ABCB5: variants seen among roughly 807,000 people sequenced by gnomAD.
ABCB5 encodes the protein ATP-binding cassette sub-family B member 5.
In ABCB5, 155 loss-of-function variants were observed where a neutral mutation model predicts 144.2. The ratio of observed to expected loss-of-function variants is 1.08; its 90% CI spans 0.94 to 1.23. The LOEUF is 1.23. Ranked by LOEUF, ABCB5 falls within the 50% of genes most tolerant of loss-of-function variation. ABCB5 has a pLI of 0.00. For missense variants in ABCB5, 1,830 were observed against 1,520.8 expected (o/e 1.20, Z -3.38); for synonymous variants, 610 against 528.6 (o/e 1.15, Z -2.11).
intron 16 of ABCB5, among the ~76,000 whole-genome samples, chr7:20,695,499 T>C (rs1786380688): frequency 6.6e-6 from 1 of 151,900 alleles, no homozygotes; most frequent in African/African-American, 2.4e-5. Context: ...TTCACGACTT[T>C]GTGTTAAGCA....
chr7:20,646,178 T>C (rs1462404219), intron 9 of ABCB5, 40 bp downstream of exon 9: 1 of 1,565,166 alleles, frequency 6.4e-7, no homozygotes, highest in Admixed American at 2.0e-5. Context: ...GCCTGGATAA[T>C]CTTTCCTTAC....
intron 14 of ABCB5, among the ~76,000 whole-genome samples, chr7:20,679,474 A>AAAAAAAAG (rs1785719705): frequency 6.7e-6 from 1 of 150,076 alleles, no homozygotes; most frequent in Non-Finnish European, 1.5e-5. Context: ...TCCATCTCAA[A>AAAAAAAAG]AAAAAAAAAA....
chr7:20,623,402 C>A, intron 2 of ABCB5, 64 bp downstream of exon 2: 1 of 1,264,150 alleles, frequency 7.9e-7, no homozygotes, highest in Non-Finnish European at 1.1e-6. Context: ...ATCCTTTCCA[C>A]ACCTATAGCA....
chr7:20,660,407 C>T, intron 14 of ABCB5: 1 of 985,408 alleles, frequency 1.0e-6, no homozygotes. Flanking sequence ...TGTGAAACTG[C>T]TTTATGTATG....
chr7:20,654,158 C>T (rs1784691942), intron 13 of ABCB5, among the ~76,000 whole-genome samples: 1 of 151,928 alleles, frequency 6.6e-6, no homozygotes, highest in Admixed American at 6.6e-5. Flanking sequence ...GAGTTGCCTA[C>T]TAGAGACAAA....
At chr7:20,730,147 C>T (rs571529619) in intron 23 of ABCB5, among the ~76,000 whole-genome samples, 9 of 152,320 alleles carry the variant, frequency 5.9e-5, no homozygotes, top group African/African-American at 2.2e-4. Context: ...ACCAAAGCCA[C>T]TTAGAAGTTT....
intron 26 of ABCB5, among the ~76,000 whole-genome samples, chr7:20,745,688 C>T (rs1470080944): frequency 6.6e-6 from 1 of 152,230 alleles, no homozygotes; most frequent in Non-Finnish European, 1.5e-5. Flanking sequence ...ATTTGCCTTC[C>T]ATCCATCTAC....
chr7:20,678,984 C>T (rs150583581), intron 14 of ABCB5, among the ~76,000 whole-genome samples: 3 of 152,184 alleles, frequency 2.0e-5, no homozygotes, highest in Middle Eastern at 3.4e-3. Context: ...CCAGGTGTTA[C>T]ATATCACATC....
chr7:20,740,359 T>A (rs899322522), intron 24 of ABCB5, among the ~76,000 whole-genome samples: 9 of 152,224 alleles, frequency 5.9e-5, no homozygotes, highest in Admixed American at 1.3e-4. Flanking sequence ...AGGTATATAC[T>A]TAAATGTTTT....
chr7:20,666,446 A>G (rs987015415), intron 14 of ABCB5, among the ~76,000 whole-genome samples: 3 of 152,114 alleles, frequency 2.0e-5, no homozygotes, highest in African/African-American at 7.2e-5. Flanking sequence ...CTCTATGTTT[A>G]CGGCAAGTCC....
In ABCB5 at chr7:20,711,100, T is replaced by A. The variant is rs183682320; in HGVS notation, c.2421+6293T>A. 5.3e-5 allele frequency among the ~76,000 whole-genome samples: 8 copies of A among 149,932 alleles called. No homozygotes were observed. The East Asian group carries it at 1.6e-3, about 30-fold the overall frequency. On this transcript the variant is annotated intron_variant, in intron 20 of 27. Transcript: ENST00000404938. ...ATTTTCCCCTCCAAATCTTTTGCTA[T>A]TGTTGTCATACAGTCTCCTTCTATA...
At chr7:20,729,619 T>G (rs982779891) in intron 23 of ABCB5, among the ~76,000 whole-genome samples, 1 of 152,248 alleles carries the variant, frequency 6.6e-6, no homozygotes, top group African/African-American at 2.4e-5. Context: ...GTATTAATTC[T>G]GAGCTGAGAG....
intron 16 of ABCB5, among the ~76,000 whole-genome samples, chr7:20,693,586 A>G (rs1196540218): frequency 6.6e-6 from 1 of 152,178 alleles, no homozygotes; most frequent in East Asian, 1.9e-4. Flanking sequence ...CAAAATGTAT[A>G]GGAAGCTTAA....
intron 16 of ABCB5, among the ~76,000 whole-genome samples, chr7:20,689,457 GA>G (rs945200765): frequency 6.6e-6 from 1 of 152,190 alleles, no homozygotes; most frequent in Non-Finnish European, 1.5e-5. Context: ...ACTGGAACAA[GA>G]AGCTAGCCAA....
intron 16 of ABCB5, among the ~76,000 whole-genome samples, chr7:20,687,577 C>A (rs545088503): frequency 6.6e-6 from 1 of 152,138 alleles, no homozygotes. Flanking sequence ...TATAGAAATC[C>A]GTGAGCCTGG....
At chr7:20,626,073 G>A (rs1783902867) in intron 2 of ABCB5, among the ~76,000 whole-genome samples, 1 of 152,200 alleles carries the variant, frequency 6.6e-6, no homozygotes, top group Non-Finnish European at 1.5e-5. Flanking sequence ...AAGGAGAAAT[G>A]CTATATGATT....
At chr7:20,648,448 T>A (rs1396133903) in intron 11 of ABCB5, among the ~76,000 whole-genome samples, 3 of 152,162 alleles carry the variant, frequency 2.0e-5, no homozygotes, top group Non-Finnish European at 2.9e-5. Context: ...TATGCACATG[T>A]GCCTTTCCCT....
chr7:20,671,442 C>T (rs1458462062), intron 14 of ABCB5, among the ~76,000 whole-genome samples: 1 of 152,166 alleles, frequency 6.6e-6, no homozygotes, highest in Non-Finnish European at 1.5e-5. Context: ...TTTCACATGA[C>T]TTTTGTAACC....
At chr7:20,729,721 A>G (rs1264850432) in intron 23 of ABCB5, among the ~76,000 whole-genome samples, 2 of 152,246 alleles carry the variant, frequency 1.3e-5, no homozygotes, top group African/African-American at 4.8e-5. Context: ...GACTCAAAAA[A>G]GTAACATTAT....
Sources: gnomAD v4.1 joint callset for allele counts (sites outside exome capture counted in the v4.1 genomes callset) on GRCh38, gnomAD v4.1.1 for gene constraint, MANE v1.5 for transcripts, NCBI Gene and HGNC (gene_info 2026-07-23, HGNC 2026-07-21) for gene names.